The following CFAP46 variants were observed in gnomAD, a reference collection of about 807,000 sequenced individuals.
The protein encoded by CFAP46 is cilia- and flagella-associated protein 46.
Under a neutral mutation model 325.7 loss-of-function variants are expected in CFAP46, and 245 were observed. The ratio of observed to expected loss-of-function variants is 0.75; its 90% CI spans 0.68 to 0.84. The LOEUF is 0.84. Among genes scored for constraint, CFAP46 ranks in the 40% least tolerant of loss-of-function variants. The pLI, the probability that CFAP46 is intolerant of heterozygous loss-of-function variation, is 0.00. For missense variants in CFAP46, 3,346 were observed against 3,543.0 expected (o/e 0.94, Z 1.41); for synonymous variants, 1,523 against 1,495.9 (o/e 1.02, Z -0.42).
intron 25 of CFAP46, among the ~76,000 whole-genome samples, chr10:132,888,126 C>T (rs186735956): frequency 2.0e-5 from 3 of 151,670 alleles, no homozygotes; most frequent in East Asian, 1.9e-4. Context: ...AGTGAAGCCT[C>T]GTCTGGAAAA....
intron 31 of CFAP46, among the ~76,000 whole-genome samples, chr10:132,873,469 G>C (rs1441753932): frequency 3.3e-5 from 5 of 152,182 alleles, no homozygotes; most frequent in Admixed American, 1.3e-4. Context: ...ATACGAGCCT[G>C]GCTGTCAGGC....
At chr10:132,812,578 G>C (rs902240479) in intron 55 of CFAP46, among the ~76,000 whole-genome samples, 2 of 152,108 alleles carry the variant, frequency 1.3e-5, no homozygotes, top group African/African-American at 4.8e-5. Context: ...CCACGTCTGT[G>C]TGGGCCAGGC....
Position 132,808,614 on chromosome 10 carries a change from G to T in CFAP46, c.7955C>A (p.Pro2652His), listed in dbSNP as rs1338352470. ...GGCTGCCTTGCGGGAAGTCGCTGGG[G>T]GAGGGTCCCTGGCTGAGGCTGCACC... ...ALGAASARDP[P>H]PATSRKAAAW... is the part of the protein sequence containing the mutation. Residue 2652 changes from proline (P) to histidine (H), a missense_variant, in exon 58 of 58, where the codon CCC becomes CAC. Physicochemically the swap from Pro to His is moderately conservative, Grantham distance 77. Transcript: ENST00000368586. This position sits in a 1 kb window ranked among gnomAD's most constrained non-coding sequence, Gnocchi z 6.8. 1.2e-6 allele frequency: 2 copies of T among 1,611,822 alleles called. No homozygotes were observed. Among genetic ancestry groups the T allele is most frequent in the African/African-American group, 2.7e-5 (2 of 75,032 alleles).
chr10:132,846,570 C>T (rs975747436), intron 43 of CFAP46, among the ~76,000 whole-genome samples: 7 of 151,914 alleles, frequency 4.6e-5, no homozygotes, highest in Non-Finnish European at 8.8e-5. Context: ...CTGCCCGATC[C>T]TCTGTGGGAC....
In CFAP46 at chr10:132,832,864, G is replaced by A. The variant is rs1426329696; in HGVS notation, c.7117+494C>T. On this transcript the variant is annotated intron_variant, in intron 50 of 57. Transcript: ENST00000368586. The surrounding 1 kb of genome is among the most constrained non-coding windows in gnomAD (Gnocchi z 4.1). ...CATCTGGTCCCCTCCTTTGAAACAGGTATTTGTGGGGGCAAGAACAGCGTT... is the reference window on the plus strand; with the variant it reads ...CATCTGGTCCCCTCCTTTGAAACAGATATTTGTGGGGGCAAGAACAGCGTT... 2 of 467,054 alleles carry A rather than the reference G, an allele frequency of 4.3e-6. No individual in the cohort carries two copies. The highest frequency in any genetic ancestry group is 4.7e-5 in the Admixed American group (2 of 42,516). The allele number at this position is 467,054 out of a possible 1,614,324, so 28.9% of individuals were successfully genotyped here.
rs747775478 is a variant in CFAP46 at position 132,872,764 on chromosome 10, C to T, written c.4423G>A (p.Glu1475Lys). 2.6e-5 allele frequency: 40 copies of T among 1,550,894 alleles called. No homozygotes were observed. The highest frequency in any genetic ancestry group is 4.1e-5 in the African/African-American group (3 of 73,072). Residue 1475 changes from glutamate (E) to lysine (K), a missense_variant, in exon 32 of 58, where the codon GAA becomes AAA. Transcript: ENST00000368586. ...VKALQKMCLH[E>K]LTVPVLQLGV... ...AACTGCAGGACGGGAACCGTGAGTTCGTGCAGGCACATCTTCTGCAGGGCC... is the reference window on the plus strand; with the variant it reads ...AACTGCAGGACGGGAACCGTGAGTTTGTGCAGGCACATCTTCTGCAGGGCC...
chr10:132,881,366 C>T (rs377592220), intron 27 of CFAP46, among the ~76,000 whole-genome samples: 1 of 152,144 alleles, frequency 6.6e-6, no homozygotes, highest in Non-Finnish European at 1.5e-5. Flanking sequence ...GGACAGGGGT[C>T]CTGCTGTCGC....
chr10:132,857,189 C>T (rs550564937), intron 39 of CFAP46, among the ~76,000 whole-genome samples: 7 of 152,314 alleles, frequency 4.6e-5, no homozygotes, highest in African/African-American at 1.2e-4. Context: ...TAGGACACTC[C>T]GGGGCCTCCC....
intron 1 of CFAP46, 51 bp downstream of exon 1, chr10:132,942,385 G>A: frequency 7.4e-7 from 1 of 1,356,280 alleles, no homozygotes; most frequent in Non-Finnish European, 9.5e-7. Context: ...GGGGGTCGTG[G>A]CGGGTCCCGG....
At chr10:132,874,763 T>C (rs1020731562) in intron 31 of CFAP46, among the ~76,000 whole-genome samples, 2 of 151,668 alleles carry the variant, frequency 1.3e-5, no homozygotes, top group African/African-American at 2.4e-5. Flanking sequence ...AGAAATAAAC[T>C]TCCTTCATCA....
At chr10:132,922,014 G>T in intron 13 of CFAP46, 90 bp downstream of exon 13, 2 of 1,436,038 alleles carry the variant, frequency 1.4e-6, no homozygotes, top group Non-Finnish European at 9.3e-7. Flanking sequence ...CGGTGGCAGG[G>T]AGCATGGGGA....
chr10:132,843,197 T>C (rs1457616896), intron 44 of CFAP46, among the ~76,000 whole-genome samples: 1 of 152,206 alleles, frequency 6.6e-6, no homozygotes. Flanking sequence ...GAGGACACTA[T>C]GTCCTGGAGG....
intron 19 of CFAP46, among the ~76,000 whole-genome samples, chr10:132,912,294 CTCTCCTCT>C (rs1484245380): frequency 1.1e-4 from 11 of 100,460 alleles, no homozygotes; most frequent in Non-Finnish European, 1.8e-4. Context: ...CCTCCTCTCT[CTCTCCTCT>C]CTTTCTCCTG....
At chr10:132,937,967 G>C (rs986579711) in intron 5 of CFAP46, among the ~76,000 whole-genome samples, 13 of 152,222 alleles carry the variant, frequency 8.5e-5, no homozygotes, top group African/African-American at 3.1e-4. Flanking sequence ...TGCAGGCTGT[G>C]GGCTTGGTGC....
rs545334073 is a variant in CFAP46 at position 132,877,023 on chromosome 10, G to A, written c.4213-62C>T. ...TGGAGGTGAAACAGCAGACACCCCC[G>A]GCCCACCGGCATGGCTGTGCAGCAT... is the stretch of plus-strand genomic sequence containing the variant. On this transcript the variant is annotated intron_variant, in intron 30 of 57. Coordinates refer to ENST00000368586, the MANE Select transcript of CFAP46 (RefSeq NM_001200049.3). The surrounding 1 kb of genome is among the most constrained non-coding windows in gnomAD (Gnocchi z 5.7). The A allele has an allele frequency of 4.6e-4, 694 of 1,496,782 alleles. 1 individual carries two copies. Among genetic ancestry groups the A allele is most frequent in the South Asian group, 2.1e-3 (163 of 76,470 alleles). The allele number at this position is 1,496,782 out of a possible 1,614,324, so 92.7% of individuals were successfully genotyped here.
intron 2 of CFAP46, 109 bp from the exon 3 acceptor site, chr10:132,941,831 T>C: frequency 6.5e-7 from 1 of 1,548,758 alleles, no homozygotes. Context: ...AGGTGGAGCC[T>C]GTTTCCAGCC....
chr10:132,885,007 C>T, intron 27 of CFAP46, 96 bp downstream of exon 27: 6 of 1,340,168 alleles, frequency 4.5e-6, no homozygotes, highest in Non-Finnish European at 6.0e-6. Context: ...TGCGTGCTGC[C>T]CCACACCAGG....
Position 132,847,125 on chromosome 10 carries a change from G to C in CFAP46, c.6088-14C>G. The C allele has an allele frequency of 6.2e-7, 1 of 1,608,174 alleles. No homozygotes were observed. The highest frequency in any genetic ancestry group is 8.5e-7 in the Non-Finnish European group (1 of 1,177,704). ...AACCATCCTCCTCTGTGGGGCACAAGGCTCAGGCTCAGGCCAGGCTCCGGG... is the reference window on the plus strand; with the variant it reads ...AACCATCCTCCTCTGTGGGGCACAACGCTCAGGCTCAGGCCAGGCTCCGGG... On this transcript the variant is annotated splice_polypyrimidine_tract_variant and intron_variant, in intron 42 of 57. Coordinates refer to ENST00000368586, the MANE Select transcript of CFAP46 (RefSeq NM_001200049.3). This position sits in a 1 kb window ranked among gnomAD's most constrained non-coding sequence, Gnocchi z 5.2.
In CFAP46 at chr10:132,857,701, C is replaced by G. The variant is rs1848663173; in HGVS notation, c.5463G>C (p.Glu1821Asp). Residue 1821 changes from glutamate (E) to aspartate (D), a missense_variant, in exon 39 of 58, where the codon GAG becomes GAC. Coordinates refer to ENST00000368586, the MANE Select transcript of CFAP46 (RefSeq NM_001200049.3). ...GGATGCTGTGAAGCCTCCCTTCTTC[C>G]TCAGCTACGGCACCCTGGGCCAGGC... ...AYGLAQGAVA[E>D]EEGRLHSIQG... is the part of the protein sequence containing the mutation. 1 of 1,613,358 alleles carries G rather than the reference C, an allele frequency of 6.2e-7. No homozygotes were observed. Among genetic ancestry groups the G allele is most frequent in the Non-Finnish European group, 8.5e-7 (1 of 1,179,772 alleles).
Sources: allele counts gnomAD v4.1 joint callset (sites outside exome capture counted in the v4.1 genomes callset), GRCh38; gene constraint gnomAD v4.1.1; non-coding constraint Gnocchi (gnomAD v3.1); transcripts MANE v1.5; gene names NCBI Gene and HGNC (gene_info 2026-07-23, HGNC 2026-07-21).